APIP: variants seen among roughly 807,000 people sequenced by gnomAD.
APIP encodes APAF1 interacting protein.
Under a neutral mutation model 32.0 loss-of-function variants are expected in APIP, and 32 were observed. The ratio of observed to expected loss-of-function variants is 1.00; its 90% confidence interval spans 0.76 to 1.34. The LOEUF (loss-of-function observed/expected upper bound fraction) is 1.34. APIP is among the 40% of genes most tolerant of loss of function. The probability of loss-of-function intolerance (pLI) is 0.00; values close to 1 mark genes in which losing one functional copy is unlikely to be tolerated. For synonymous variants in APIP, 92 were observed against 94.8 expected, an observed-to-expected ratio of 0.97 and a Z score of 0.17; for missense variants, 247 against 298.6, an observed-to-expected ratio of 0.83 and a Z score of 1.27.
At position 34,913,168 on chromosome 11, in the gene APIP, T is replaced by C. The variant is rs76942494; in HGVS notation, c.57+3060A>G. ...GTCTGTCTCCATGCCTCTGGTCTTT[T>C]TAACTCTAGCCAGCAATCCCCAGGC... On this transcript the variant is annotated intron_variant, in intron 1 of 6. Coordinates refer to ENST00000395787, the MANE Select transcript of APIP (RefSeq NM_015957.4). 3.2e-3 allele frequency among the ~76,000 whole-genome samples: 480 copies of C among 152,324 alleles called. 1 individual carries two copies. The highest frequency in any genetic ancestry group is 5.2e-3 in the South Asian group (25 of 4,822).
At position 34,890,618 on chromosome 11, in the gene APIP, C is replaced by G. The variant is rs1853172096; in HGVS notation, c.159-66G>C. ...CTGCTTTTGCACAAAGAAAAGTTTG[C>G]AGTCCAATCATGCATGTTCTTTATA... is the stretch of plus-strand genomic sequence containing the variant. On this transcript the variant is annotated intron_variant, in intron 2 of 6. Transcript: ENST00000395787. 2.0e-6 allele frequency: 3 copies of G among 1,526,134 alleles called. No individual in the cohort carries two copies. The Admixed American group carries it at 5.2e-5, about 26-fold the overall frequency. 94.5% of individuals were successfully genotyped at this position (1,526,134 alleles called of 1,614,324 possible). A position where few individuals can be genotyped will look rare whatever the true frequency, so the allele number is the denominator to read the frequency against.
At chr11:34,906,490 C>T (rs1212942031) in intron 1 of APIP, among the ~76,000 whole-genome samples, 2 of 152,154 alleles carry the variant, frequency 1.3e-5, no homozygotes, top group African/African-American at 4.8e-5. Flanking sequence ...GGATTACGGG[C>T]TTCCCTCTCC....
chr11:34,885,437 C>CAAA (rs2133902946), intron 5 of APIP, among the ~76,000 whole-genome samples: 1 of 151,768 alleles, frequency 6.6e-6, no homozygotes, highest in African/African-American at 2.4e-5. Flanking sequence ...AGGGGGCGAA[C>CAAA]GTGGGAATAA....
chr11:34,888,300 A>C lies in APIP; in HGVS notation c.454T>G (p.Tyr152Asp). The change falls in exon 5 of 7, where the codon TAT (tyrosine) becomes GAT (aspartate). Residue 152 changes from tyrosine (Y) to aspartate (D), a missense_variant. Tyr to Asp is a radical substitution (Grantham distance 160). Coordinates refer to ENST00000395787, the MANE Select transcript of APIP (RefSeq NM_015957.4). ...KGIKKCTSGG[Y>D]YRYDDMLVVP... ...AAAAGGAAAAAAAAATACCTATAAT[A>C]CCCTCCGGAAGTACATTTCTTTATT... 6.3e-7 allele frequency: 1 copy of C among 1,589,654 alleles called. No individual in the cohort carries two copies. The highest frequency in any genetic ancestry group is 8.5e-7 in the Non-Finnish European group (1 of 1,172,562).
At chr11:34,904,522 G>A (rs969365964) in intron 1 of APIP, among the ~76,000 whole-genome samples, 8 of 152,110 alleles carry the variant, frequency 5.3e-5, no homozygotes, top group African/African-American at 1.9e-4. Context: ...TGTACAGATG[G>A]CCTTTTCTTA....
chr11:34,888,576 G>A, intron 4 of APIP, 148 bp from the exon 5 acceptor site: 1 of 1,275,270 alleles, frequency 7.8e-7, no homozygotes, highest in East Asian at 2.6e-5. Flanking sequence ...AGGCAGGAGG[G>A]TAAGTGGAAT....
chr11:34,893,443 CTA>C (rs1853211980), intron 2 of APIP, among the ~76,000 whole-genome samples: 1 of 152,150 alleles, frequency 6.6e-6, no homozygotes, highest in African/African-American at 2.4e-5. Flanking sequence ...AGTTGGGAAA[CTA>C]TATTACTGGG....
intron 5 of APIP, among the ~76,000 whole-genome samples, chr11:34,883,845 A>G (rs1029760051): frequency 2.0e-5 from 3 of 152,236 alleles, no homozygotes; most frequent in African/African-American, 7.2e-5. Context: ...GGCAAATGAT[A>G]TATTTCAGAA....
chr11:34,915,917 C>T, intron 1 of APIP: 1 of 479,800 alleles, frequency 2.1e-6, no homozygotes, highest in South Asian at 3.0e-5. Flanking sequence ...CTTCTCTGGC[C>T]TGCCTTCCTG....
intron 6 of APIP, 51 bp from the exon 7 acceptor site, chr11:34,882,867 C>T: frequency 8.1e-7 from 1 of 1,229,330 alleles, no homozygotes; most frequent in Non-Finnish European, 1.2e-6. Flanking sequence ...CAGAGTTCTC[C>T]AATCCTAAAG....
At chr11:34,906,494 C>T (rs997393631) in intron 1 of APIP, among the ~76,000 whole-genome samples, 41 of 152,160 alleles carry the variant, frequency 2.7e-4, no homozygotes, top group Non-Finnish European at 1.5e-5. Flanking sequence ...TACGGGCTTC[C>T]CTCTCCTTGA....
At chr11:34,889,270 C>T (rs1441837024) in intron 3 of APIP, among the ~76,000 whole-genome samples, 1 of 152,000 alleles carries the variant, frequency 6.6e-6, no homozygotes, top group Non-Finnish European at 1.5e-5. Context: ...TATAATTTCA[C>T]AACTGTATTT....
intron 3 of APIP, among the ~76,000 whole-genome samples, chr11:34,889,324 T>C (rs1853145968): frequency 6.6e-6 from 1 of 151,990 alleles, no homozygotes; most frequent in Non-Finnish European, 1.5e-5. Flanking sequence ...AGATGGGTGT[T>C]AAAATTTTTT....
At chr11:34,898,549 CCTT>C (rs899551732) in intron 1 of APIP, among the ~76,000 whole-genome samples, 4 of 152,066 alleles carry the variant, frequency 2.6e-5, no homozygotes, top group Non-Finnish European at 5.9e-5. Flanking sequence ...ACAAAACTCT[CCTT>C]CTTTTTCTAT....
At chr11:34,896,824 T>C (rs1226038778) in intron 1 of APIP, 14 of 1,287,394 alleles carry the variant, frequency 1.1e-5, no homozygotes, top group African/African-American at 1.5e-5. Flanking sequence ...TCTGGTGACC[T>C]TGAACTTCAA....
intron 1 of APIP, among the ~76,000 whole-genome samples, chr11:34,903,152 A>C (rs1453743876): frequency 1.3e-5 from 2 of 152,204 alleles, no homozygotes; most frequent in African/African-American, 4.8e-5. Flanking sequence ...ATCTAAATCC[A>C]GCCACCTTCT....
intron 1 of APIP, among the ~76,000 whole-genome samples, chr11:34,913,692 T>C (rs55868872): frequency 0.22 from 33,797 of 151,818 alleles, 4,926 homozygotes; most frequent in Non-Finnish European, 0.34. Context: ...CCGAGGGGGG[T>C]TGCCGCTGCT....
chr11:34,914,639 GA>G lies in APIP; in HGVS notation c.57+1588del, dbSNP rs561335063. Among the ~76,000 whole-genome samples the G allele has an allele frequency of 7.2e-5, 11 of 152,192 alleles. No homozygotes were observed. In the South Asian group the frequency reaches 2.3e-3, roughly 32 times the overall value. On this transcript the variant is annotated intron_variant, in intron 1 of 6. Transcript: ENST00000395787. ...CTAGTAACCGCAATCCAGATCCCAT[GA>G]AAAAATAAGGGCCCAATGTCACCAT...
chr11:34,892,905 T>C (rs1442770244), intron 2 of APIP, among the ~76,000 whole-genome samples: 1 of 152,170 alleles, frequency 6.6e-6, no homozygotes, highest in African/African-American at 2.4e-5. Flanking sequence ...AGTGACTTAT[T>C]AAGTCATTTA....
Sources: allele counts gnomAD v4.1 joint callset (sites outside exome capture counted in the v4.1 genomes callset), GRCh38; gene constraint gnomAD v4.1.1; transcripts MANE v1.5; gene names NCBI Gene and HGNC (gene_info 2026-07-23, HGNC 2026-07-21).